SORCS2: variants seen among roughly 807,000 people sequenced by gnomAD.
The protein encoded by SORCS2 is VPS10 domain-containing receptor SorCS2.
SORCS2 carries 100 observed loss-of-function variants against 141.6 expected under a neutral mutation model. The ratio of observed to expected loss-of-function variants is 0.71; its 90% CI spans 0.60 to 0.83. The LOEUF (loss-of-function observed/expected upper bound fraction) is 0.83, where lower values mean the gene tolerates loss of function less well. SORCS2 is among the 40% of genes least tolerant of loss of function. The pLI is 0.00. For synonymous variants in SORCS2, 789 were observed against 676.9 expected (o/e 1.17, Z -2.57); for missense variants, 1,646 against 1,560.2 (o/e 1.05, Z -0.93).
intron 10 of SORCS2, among the ~76,000 whole-genome samples, chr4:7,685,055 TG>T (rs1240211474): frequency 6.6e-6 from 1 of 152,226 alleles, no homozygotes; most frequent in East Asian, 1.9e-4. Flanking sequence ...TCGACCTGTG[TG>T]GAGAATTAAT....
chr4:7,723,344 TC>T (rs1483437415), intron 18 of SORCS2, among the ~76,000 whole-genome samples: 3 of 152,084 alleles, frequency 2.0e-5, no homozygotes. Flanking sequence ...CCTGGCTCCA[TC>T]CCTAGCACGG....
intron 1 of SORCS2, among the ~76,000 whole-genome samples, chr4:7,342,508 G>A (rs1264958120): frequency 6.6e-6 from 1 of 152,194 alleles, no homozygotes; most frequent in Non-Finnish European, 1.5e-5. Flanking sequence ...ATTCAGGGCT[G>A]GAGGGGCCTC....
At chr4:7,426,255 C>T (rs1434153323) in intron 2 of SORCS2, among the ~76,000 whole-genome samples, 1 of 149,844 alleles carries the variant, frequency 6.7e-6, no homozygotes, top group Admixed American at 6.6e-5. Context: ...TTTTTCCCCA[C>T]CCTCAATGAG....
intron 11 of SORCS2, among the ~76,000 whole-genome samples, 158 bp from the exon 12 acceptor site, chr4:7,697,040 C>T (rs186152351): frequency 6.6e-5 from 10 of 152,324 alleles, no homozygotes; most frequent in Admixed American, 4.6e-4. Flanking sequence ...TAGACCCAGA[C>T]CCAGGGCCCC....
At chr4:7,277,167 C>T (rs544576000) in intron 1 of SORCS2, among the ~76,000 whole-genome samples, 1 of 152,216 alleles carries the variant, frequency 6.6e-6, no homozygotes, top group Admixed American at 6.5e-5. Flanking sequence ...TTTTTTGCTT[C>T]CAAAAGCTCA....
intron 3 of SORCS2, among the ~76,000 whole-genome samples, chr4:7,545,805 C>G (rs529598585): frequency 3.9e-5 from 6 of 152,358 alleles, no homozygotes; most frequent in Admixed American, 2.6e-4. Context: ...AGAGTGCACG[C>G]TCTGCCTCCG....
At chr4:7,344,348 T>A (rs1375452697) in intron 1 of SORCS2, among the ~76,000 whole-genome samples, 1 of 152,162 alleles carries the variant, frequency 6.6e-6, no homozygotes. Flanking sequence ...GTTTATCCCA[T>A]GGAGGCTTCC....
At chr4:7,526,683 C>T (rs964229156) in intron 2 of SORCS2, among the ~76,000 whole-genome samples, 8 of 152,150 alleles carry the variant, frequency 5.3e-5, no homozygotes, top group African/African-American at 7.2e-5. Context: ...GGTAATGTCG[C>T]GTCAGGGCGG....
At chr4:7,623,172 C>G (rs1371783317) in intron 3 of SORCS2, among the ~76,000 whole-genome samples, 1 of 152,128 alleles carries the variant, frequency 6.6e-6, no homozygotes, top group Non-Finnish European at 1.5e-5. Context: ...CACACCAATG[C>G]CCTGCCTTTT....
intron 2 of SORCS2, among the ~76,000 whole-genome samples, chr4:7,486,419 CT>C (rs1336966389): frequency 1.0e-5 from 1 of 96,188 alleles, no homozygotes. Flanking sequence ...CCACGACCCC[CT>C]GGCCCTGGAC....
intron 12 of SORCS2, among the ~76,000 whole-genome samples, chr4:7,700,797 A>C (rs528817255): frequency 6.6e-6 from 1 of 152,002 alleles, no homozygotes; most frequent in East Asian, 1.9e-4. Context: ...CTGAATCCCC[A>C]CTCCAGCCTG....
intron 1 of SORCS2, among the ~76,000 whole-genome samples, chr4:7,364,462 A>G (rs767003147): frequency 6.6e-6 from 1 of 152,176 alleles, no homozygotes; most frequent in African/African-American, 2.4e-5. Flanking sequence ...CAAGGCTGCT[A>G]TGGGGGTGGC....
At chr4:7,704,720 T>C (rs1004386536) in intron 14 of SORCS2, among the ~76,000 whole-genome samples, 2 of 152,196 alleles carry the variant, frequency 1.3e-5, no homozygotes. Context: ...CTCAGGAGCC[T>C]CTGTCGTTCA....
intron 2 of SORCS2, among the ~76,000 whole-genome samples, chr4:7,439,697 G>C (rs1381212062): frequency 6.6e-6 from 1 of 152,186 alleles, no homozygotes; most frequent in Non-Finnish European, 1.5e-5. Flanking sequence ...GATGTTATGA[G>C]ATCCAGGCAT....
At chr4:7,268,318 A>AAGCAT (rs768136408) in intron 1 of SORCS2, among the ~76,000 whole-genome samples, 131 of 152,264 alleles carry the variant, frequency 8.6e-4, no homozygotes, top group African/African-American at 2.9e-3. Flanking sequence ...CCTTTACCTT[A>AAGCAT]GTGGGGAGCA....
At chr4:7,212,667 G>C (rs935916196) in intron 1 of SORCS2, among the ~76,000 whole-genome samples, 1 of 152,246 alleles carries the variant, frequency 6.6e-6, no homozygotes, top group African/African-American at 2.4e-5. Context: ...CCAGAGCTGA[G>C]GCCCCCTGGC....
chr4:7,344,471 G>C (rs528362993), intron 1 of SORCS2, among the ~76,000 whole-genome samples: 1 of 152,344 alleles, frequency 6.6e-6, no homozygotes, highest in African/African-American at 2.4e-5. Context: ...TGCAGCCTCT[G>C]CTCTGCTCCT....
intron 1 of SORCS2, among the ~76,000 whole-genome samples, chr4:7,313,973 A>G (rs1718373088): frequency 6.6e-6 from 1 of 152,190 alleles, no homozygotes; most frequent in African/African-American, 2.4e-5. Flanking sequence ...AGGTGCTCAG[A>G]GTACAGGAGT....
At chr4:7,411,118 G>A (rs1725277735) in intron 2 of SORCS2, among the ~76,000 whole-genome samples, 1 of 151,852 alleles carries the variant, frequency 6.6e-6, no homozygotes, top group Non-Finnish European at 1.5e-5. Context: ...ACCACGCCCA[G>A]CTAATTTTTG....
Sources: allele counts gnomAD v4.1 joint callset (sites outside exome capture counted in the v4.1 genomes callset), GRCh38; gene constraint gnomAD v4.1.1; transcripts MANE v1.5; gene names NCBI Gene and HGNC (gene_info 2026-07-23, HGNC 2026-07-21).